BCOR: variants seen among roughly 807,000 people sequenced by gnomAD.
The protein encoded by BCOR is BCL-6 corepressor.
Under a neutral mutation model 86.7 loss-of-function variants are expected in BCOR, and 10 were observed. That is an observed-to-expected ratio of 0.12 (90% CI 0.07 to 0.20). BCOR has a LOEUF of 0.20. Among genes scored for constraint, BCOR ranks in the 10% least tolerant of loss-of-function variants. BCOR has a pLI of 1.00. For synonymous variants in BCOR, 611 were observed against 609.0 expected (o/e 1.00, Z -0.05); for missense variants, 1,259 against 1,452.1 (o/e 0.87, Z 2.16).
intron 1 of BCOR, among the ~76,000 whole-genome samples, chrX:40,153,942 G>A (rs1036208183): frequency 9.1e-6 from 1 of 110,252 alleles, no homozygotes; most frequent in Non-Finnish European, 1.9e-5. Flanking sequence ...GGGGGGCAGG[G>A]GGCGGGGACG....
At chrX:40,149,022 G>A (rs752985951) in intron 1 of BCOR, among the ~76,000 whole-genome samples, 3 of 110,878 alleles carry the variant, frequency 2.7e-5, no homozygotes, top group East Asian at 2.8e-4. Context: ...TCCTCTGCCC[G>A]GGTCTCACAC....
At position 40,074,440 on chromosome X, in the gene BCOR, G is replaced by A. The variant is rs145004764; in HGVS notation, c.906C>T (p.His302=). The change falls in exon 4 of 15, where the codon CAC becomes CAT. Residue 302 remains histidine (H), a synonymous_variant. Transcript: ENST00000378444. ...GVSPGNPVDS[H]AYPHIQNSKQ... is the part of the protein sequence containing the mutation. ...TACTGTTCTGGATGTGAGGATAGGC[G>A]TGGGAATCAACAGGATTCCCAGGGC... is the stretch of plus-strand genomic sequence containing the variant. 421 of 1,206,747 alleles carry A rather than the reference G, an allele frequency of 3.5e-4. No individual in the cohort carries two copies. Among genetic ancestry groups the A allele is most frequent in the Admixed American group, 5.7e-4 (26 of 45,460 alleles).
At chrX:40,126,160 G>A (rs1219745784) in intron 1 of BCOR, among the ~76,000 whole-genome samples, 3 of 105,500 alleles carry the variant, frequency 2.8e-5, no homozygotes, top group Non-Finnish European at 5.8e-5. Flanking sequence ...AGGTTGCAGT[G>A]AGCCAAGATC....
Position 40,054,251 on chromosome X carries a change from C to G in BCOR, c.4819+5G>C. ...TACGGAACTAGAGCAAACAATGCAG[C>G]TTACCACAAACAGAGCTGCCATAGA... On this transcript the variant is annotated splice_donor_5th_base_variant and intron_variant, in intron 13 of 14. Coordinates refer to ENST00000378444, the MANE Select transcript of BCOR (RefSeq NM_001123385.2). 1 of 1,205,670 alleles carries G rather than the reference C, an allele frequency of 8.3e-7. No individual in the cohort carries two copies. Among genetic ancestry groups the G allele is most frequent in the Non-Finnish European group, 1.1e-6 (1 of 891,045 alleles).
At chrX:40,167,704 C>T (rs775197968) in intron 1 of BCOR, among the ~76,000 whole-genome samples, 132 of 111,970 alleles carry the variant, frequency 1.2e-3, no homozygotes, top group African/African-American at 4.2e-3. Context: ...ATTGGCATTT[C>T]TATAAGAGCT....
At chrX:40,173,855 G>A (rs1484040855) in intron 1 of BCOR, among the ~76,000 whole-genome samples, 2 of 112,987 alleles carry the variant, frequency 1.8e-5, no homozygotes, top group Admixed American at 9.3e-5. Context: ...ATGTACTTTG[G>A]TCTAACACTG....
rs2147282110 is a variant in BCOR at position 40,075,141 on chromosome X, C to T, written c.205G>A (p.Ala69Thr). ...AGGCCAGTGCGGTCCATGCTCAGTG[C>T]TGCCAGGCCATCGATCCTATGGGCC... Reference protein sequence around the residue: ...STAHRIDGLAALSMDRTGLIR... With the variant: ...STAHRIDGLATLSMDRTGLIR... Residue 69 changes from alanine to threonine, a missense_variant, in exon 4 of 15, where the codon GCA becomes ACA. Ala to Thr is a moderately conservative substitution (Grantham distance 58). This residue lies in a region of BCOR where 174 missense variants were observed against 189.3 expected (regional missense o/e 0.92). Transcript: ENST00000378444. The T allele has an allele frequency of 8.3e-7, 1 of 1,210,524 alleles. No individual in the cohort carries two copies. Among genetic ancestry groups the T allele is most frequent in the Non-Finnish European group, 1.1e-6 (1 of 895,134 alleles).
At chrX:40,096,644 C>G (rs905399979) in intron 1 of BCOR, among the ~76,000 whole-genome samples, 2 of 112,225 alleles carry the variant, frequency 1.8e-5, no homozygotes, top group African/African-American at 6.5e-5. Context: ...CACACACCCT[C>G]GCGCACGCAC....
At chrX:40,161,168 C>T (rs1054573994) in intron 1 of BCOR, among the ~76,000 whole-genome samples, 1 of 105,910 alleles carries the variant, frequency 9.4e-6, no homozygotes, top group Non-Finnish European at 1.9e-5. Flanking sequence ...CCACCATGCC[C>T]GGCTAATTTT....
chrX:40,059,830 C>T (rs180814181), intron 10 of BCOR, among the ~76,000 whole-genome samples: 1 of 112,633 alleles, frequency 8.9e-6, no homozygotes, highest in East Asian at 2.8e-4. Context: ...ATGATTTATT[C>T]GATTCATAGA....
chrX:40,169,751 TA>T (rs1348951919), intron 1 of BCOR, among the ~76,000 whole-genome samples: 1 of 111,419 alleles, frequency 9.0e-6, no homozygotes, highest in Non-Finnish European at 1.9e-5. Context: ...GCACCGCTGC[TA>T]AATGAATCAC....
chrX:40,168,398 G>A (rs7890176), intron 1 of BCOR, among the ~76,000 whole-genome samples: 2,694 of 112,655 alleles, frequency 0.024, 103 homozygotes, highest in African/African-American at 0.081. Flanking sequence ...CGGCCGAGCT[G>A]GGGCCCACTG....
intron 2 of BCOR, chrX:40,077,221 C>G (rs1359522627): frequency 7.1e-6 from 1 of 141,600 alleles, no homozygotes; most frequent in Non-Finnish European, 1.4e-5. Context: ...AAAGAAAGTG[C>G]TTGGTGCCAA....
At chrX:40,135,910 T>C (rs1372318498) in intron 1 of BCOR, among the ~76,000 whole-genome samples, 3 of 112,447 alleles carry the variant, frequency 2.7e-5, no homozygotes, top group African/African-American at 9.7e-5. Context: ...TATATATAAA[T>C]GTCACAGCTA....
At chrX:40,063,423 G>A (rs1270837871) in intron 8 of BCOR, among the ~76,000 whole-genome samples, 185 bp downstream of exon 8, 1 of 111,910 alleles carries the variant, frequency 8.9e-6, no homozygotes, top group Non-Finnish European at 1.9e-5. Context: ...GAATGAAGGT[G>A]TTCAGACTTC....
At chrX:40,083,816 A>C (rs1347418157) in intron 1 of BCOR, among the ~76,000 whole-genome samples, 1 of 111,613 alleles carries the variant, frequency 9.0e-6, no homozygotes, top group Non-Finnish European at 1.9e-5. Context: ...GCCTCCCCGG[A>C]GGCGGCCCGA....
chrX:40,131,650 AAAGAGAAGAG>A (rs769599762), intron 1 of BCOR, among the ~76,000 whole-genome samples: 11,969 of 110,659 alleles, frequency 0.11, 540 homozygotes, highest in Middle Eastern at 0.15. Context: ...TCTGTCAGTA[AAAGAGAAGAG>A]AAGAGAAGAG....
upstream of BCOR, among the ~76,000 whole-genome samples, chrX:40,102,513 C>T (rs998827881): frequency 3.5e-5 from 4 of 114,017 alleles, no homozygotes; most frequent in African/African-American, 1.3e-4. Flanking sequence ...CCACGTCCCG[C>T]CTCGGCTGCT....
At chrX:40,093,395 AAG>A (rs1936704831) in intron 1 of BCOR, among the ~76,000 whole-genome samples, 1 of 112,142 alleles carries the variant, frequency 8.9e-6, no homozygotes, top group Admixed American at 9.4e-5. Context: ...CAAACTCTTA[AAG>A]AAAGGAAGAG....
Sources: gnomAD v4.1 joint callset for allele counts (sites outside exome capture counted in the v4.1 genomes callset) on GRCh38, gnomAD v4.1.1 for gene constraint, gnomAD v4.1.1 regional missense constraint, MANE v1.5 for transcripts, NCBI Gene and HGNC (gene_info 2026-07-23, HGNC 2026-07-21) for gene names.